TTBK1: variants seen among roughly 807,000 people sequenced by gnomAD.
TTBK1 encodes tau tubulin kinase 1.
Under a neutral mutation model 108.5 loss-of-function variants are expected in TTBK1, and 34 were observed. The ratio of observed to expected loss-of-function variants is 0.31; its 90% CI spans 0.24 to 0.42. The LOEUF (loss-of-function observed/expected upper bound fraction) is 0.42. Among genes scored for constraint, TTBK1 ranks in the 10% least tolerant of loss-of-function variants. TTBK1 has a pLI of 1.00. For missense variants in TTBK1, 1,539 were observed against 1,826.0 expected (o/e 0.84, Z 2.86); for synonymous variants, 809 against 795.1 (o/e 1.02, Z -0.29).
At chr6:43,281,417 T>G (rs573309476) in intron 13 of TTBK1, among the ~76,000 whole-genome samples, 2 of 149,410 alleles carry the variant, frequency 1.3e-5, no homozygotes, top group Non-Finnish European at 3.0e-5. Context: ...TCCTAAGGAC[T>G]GTGGCAGCCA....
At position 43,263,077 on chromosome 6, in the gene TTBK1, C is replaced by G. The variant is rs550758140; in HGVS notation, c.1713C>G (p.Pro571=). ...PSTSGTTDEE[P]EELRPLPEEG... ...CATCGGGCACCACGGATGAGGAGCC[C>G]GAGGAGCTGCGGCCACTGCCCGAGG... is the stretch of plus-strand genomic sequence containing the variant. The change falls in exon 13 of 15, where the codon CCC becomes CCG. Residue 571 remains proline (P), a synonymous_variant. Transcript: ENST00000259750. The surrounding 1 kb of genome is among the most constrained non-coding windows in gnomAD (Gnocchi z 4.7). 1 of 1,573,420 alleles carries G rather than the reference C, an allele frequency of 6.4e-7. No homozygotes were observed. Among genetic ancestry groups the G allele is most frequent in the Non-Finnish European group, 8.6e-7 (1 of 1,159,696 alleles).
At chr6:43,250,204 T>C (rs573084677) in intron 2 of TTBK1, among the ~76,000 whole-genome samples, 4 of 152,268 alleles carry the variant, frequency 2.6e-5, no homozygotes, top group South Asian at 2.1e-4. Flanking sequence ...TCCTGACTTA[T>C]CTCTAGCAAT....
At position 43,282,905 on chromosome 6, in the gene TTBK1, T is replaced by G. The variant is rs768667160; in HGVS notation, c.2165T>G (p.Leu722Arg). The G allele has an allele frequency of 8.1e-6, 13 of 1,613,566 alleles. No individual in the cohort carries two copies. Among genetic ancestry groups the G allele is most frequent in the Non-Finnish European group, 1.1e-5 (13 of 1,179,904 alleles). Residue 722 changes from leucine to arginine, a missense_variant, in exon 14 of 15, where the codon CTG becomes CGG. Around this residue, in one of 5 missense-constraint regions of TTBK1, gnomAD observed 1,055 missense variants for 1,086.5 expected, o/e 0.97. Coordinates refer to ENST00000259750, the MANE Select transcript of TTBK1 (RefSeq NM_032538.3). The surrounding 1 kb of genome is among the most constrained non-coding windows in gnomAD (Gnocchi z 5.4). ...HMLLTTPQVP[L>R]APVQPQANGK... Reference sequence around the variant, plus strand: ...CTGCTCACCACCCCCCAGGTCCCACTGGCTCCTGTTCAGCCTCAGGCTAAT... The same window carrying G: ...CTGCTCACCACCCCCCAGGTCCCACGGGCTCCTGTTCAGCCTCAGGCTAAT...
chr6:43,249,015 A>G (rs1380566492), intron 2 of TTBK1, among the ~76,000 whole-genome samples: 2 of 152,220 alleles, frequency 1.3e-5, no homozygotes, highest in Admixed American at 6.5e-5. Flanking sequence ...CCCATTTCAC[A>G]GGTGTGGAAA....
intron 12 of TTBK1, among the ~76,000 whole-genome samples, chr6:43,260,948 C>T (rs888577531): frequency 2.0e-5 from 3 of 152,150 alleles, no homozygotes; most frequent in African/African-American, 4.8e-5. Context: ...TGCAAACACA[C>T]ACACACACAC....
chr6:43,275,790 C>T (rs1000520704), intron 13 of TTBK1, among the ~76,000 whole-genome samples: 7 of 151,644 alleles, frequency 4.6e-5, no homozygotes, highest in African/African-American at 1.7e-4. Context: ...ATTTCCAGCT[C>T]TTCCCACACC....
At position 43,254,718 on chromosome 6, in the gene TTBK1, C is replaced by T. The variant is rs983792757; in HGVS notation, c.576+67C>T. Reference sequence around the variant, plus strand: ...CCTACTCCCAGATCTGGGGACCCTTCACCCACTTTTCTTACAGCTGCCTAA... The same window carrying T: ...CCTACTCCCAGATCTGGGGACCCTTTACCCACTTTTCTTACAGCTGCCTAA... On this transcript the variant is annotated intron_variant, in intron 6 of 14. Coordinates refer to ENST00000259750, the MANE Select transcript of TTBK1 (RefSeq NM_032538.3). 7.7e-6 allele frequency: 11 copies of T among 1,426,518 alleles called. No individual in the cohort carries two copies. In the African/African-American group the frequency reaches 1.6e-4, roughly 20 times the overall value. The allele number at this position is 1,426,518 out of a possible 1,614,324, so 88.4% of individuals were successfully genotyped here.
intron 13 of TTBK1, among the ~76,000 whole-genome samples, chr6:43,267,503 A>G (rs746383075): frequency 1.6e-4 from 25 of 152,108 alleles, no homozygotes; most frequent in Non-Finnish European, 3.5e-4. Flanking sequence ...TCCTCATAAC[A>G]CCAATCATTT....
chr6:43,272,905 C>T (rs1207943693), intron 13 of TTBK1, among the ~76,000 whole-genome samples: 2 of 152,124 alleles, frequency 1.3e-5, no homozygotes, highest in Non-Finnish European at 2.9e-5. Context: ...TCGGGGTCAG[C>T]TTTGAAAAGA....
intron 3 of TTBK1, 84 bp downstream of exon 3, chr6:43,252,970 G>C (rs1294372115): frequency 1.3e-6 from 2 of 1,514,284 alleles, no homozygotes; most frequent in East Asian, 4.5e-5. Flanking sequence ...AAGCTGGGGT[G>C]AGGGAGGAGA....
In TTBK1 at chr6:43,283,233, G is replaced by A. The variant is rs1778236414; in HGVS notation, c.2493G>A (p.Glu831=). 2 of 1,551,866 alleles carry A rather than the reference G, an allele frequency of 1.3e-6. No individual in the cohort carries two copies. Among genetic ancestry groups the A allele is most frequent in the African/African-American group, 2.7e-5 (2 of 73,042 alleles). Residue 831 remains glutamate, a synonymous_variant, in exon 14 of 15, where the codon GAG becomes GAA. Transcript: ENST00000259750. This position sits in a 1 kb window ranked among gnomAD's most constrained non-coding sequence, Gnocchi z 8.1. The part of the protein sequence containing the change: ...SMADGDLEPE[E]GSKTLVLVSP... ...CCGATGGGGACCTGGAGCCTGAGGA[G>A]GGCTCCAAAACGCTGGTGCTTGTCT... is the stretch of plus-strand genomic sequence containing the variant.
rs541352376 is a variant in TTBK1 at position 43,255,093 on chromosome 6, A to T, written c.621A>T (p.Ser207=). The T allele has an allele frequency of 3.1e-6, 5 of 1,595,496 alleles. No individual in the cohort carries two copies. Among genetic ancestry groups the T allele is most frequent in the African/African-American group, 1.4e-5 (1 of 73,692 alleles). The change falls in exon 7 of 15, where the codon TCA becomes TCT. Residue 207 remains serine (S), a synonymous_variant. Transcript: ENST00000259750. ...AGFRGTVRYA[S]VNAHKNREMG... ...TTCGAGGAACGGTTCGCTATGCCTC[A>T]GTCAATGCCCACAAGAACCGGGTGA...
chr6:43,264,233 AT>A (rs1777620133), intron 13 of TTBK1, among the ~76,000 whole-genome samples: 1 of 152,010 alleles, frequency 6.6e-6, no homozygotes, highest in South Asian at 2.1e-4. Context: ...AATACAAAAA[AT>A]TAGCCGGGTG....
At position 43,257,569 on chromosome 6, in the gene TTBK1, C is replaced by T. The variant is rs1404566297; in HGVS notation, c.862-243C>T. Among the ~76,000 whole-genome samples, 1 of 152,112 alleles carries T rather than the reference C, an allele frequency of 6.6e-6. No homozygotes were observed. The highest frequency in any genetic ancestry group is 6.5e-5 in the Admixed American group (1 of 15,280). Reference sequence around the variant, plus strand: ...TGAAGATGGTAACCAGGGGACAGATCTCAGAGGGTTCATGTCCAGTCAGTG... The same window carrying T: ...TGAAGATGGTAACCAGGGGACAGATTTCAGAGGGTTCATGTCCAGTCAGTG... On this transcript the variant is annotated intron_variant, in intron 9 of 14. Transcript: ENST00000259750. This position sits in a 1 kb window ranked among gnomAD's most constrained non-coding sequence, Gnocchi z 4.5.
intron 13 of TTBK1, chr6:43,271,040 C>G (rs1301915362): frequency 3.0e-6 from 3 of 985,372 alleles, no homozygotes; most frequent in Non-Finnish European, 3.6e-6. Context: ...GCGCCTGCCT[C>G]TTCTGCCCAT....
At chr6:43,284,959 C>A in intron 14 of TTBK1, 24 bp from the exon 15 acceptor site, 2 of 1,505,510 alleles carry the variant, frequency 1.3e-6, no homozygotes, top group South Asian at 2.5e-5. Context: ...CTCTTCTTTT[C>A]TCCTGCCTTC....
At chr6:43,274,382 G>T (rs1777909882) in intron 13 of TTBK1, among the ~76,000 whole-genome samples, 1 of 152,134 alleles carries the variant, frequency 6.6e-6, no homozygotes, top group Non-Finnish European at 1.5e-5. Context: ...TTTCTGGGGA[G>T]GGGTGGTGCT....
At chr6:43,271,592 G>A in intron 13 of TTBK1, 3 of 985,158 alleles carry the variant, frequency 3.0e-6, no homozygotes, top group Non-Finnish European at 3.6e-6. Flanking sequence ...TAGAGTAGAG[G>A]CCTCAGGGCC....
rs1181525724 is a variant in TTBK1, at chr6:43,246,678, C to T, written c.18C>T (p.Ala6=). Residue 6 remains alanine, a synonymous_variant, in exon 2 of 15, where the codon GCC becomes GCT. Transcript: ENST00000259750. MQCLA[A]ALKDETNMSG... ...GCTGGCGGATGCAGTGCCTAGCGGC[C>T]GCCCTTAAGGACGAAACCAACATGA... The T allele has an allele frequency of 1.9e-6, 3 of 1,608,352 alleles. No individual in the cohort carries two copies. Among genetic ancestry groups the T allele is most frequent in the East Asian group, 2.2e-5 (1 of 44,550 alleles).
Sources: gnomAD v4.1 joint callset for allele counts (sites outside exome capture counted in the v4.1 genomes callset) on GRCh38, gnomAD v4.1.1 for gene constraint, gnomAD v4.1.1 regional missense constraint, Gnocchi (gnomAD v3.1) non-coding constraint, MANE v1.5 for transcripts, NCBI Gene and HGNC (gene_info 2026-07-23, HGNC 2026-07-21) for gene names.